The following RLIG1 variants were observed in gnomAD, a reference collection of about 807,000 sequenced individuals.
RLIG1 encodes RNA 5'-phosphate and 3'-OH ligase 1.
chr12:88,042,661 A>G, the RLIG1 span: 1 of 419,876 alleles, frequency 2.4e-6, no homozygotes, highest in Non-Finnish European at 4.3e-6. Flanking sequence ...AAGTCTTCTC[A>G]TAGCATCAGG....
At chr12:88,046,997 G>T in the RLIG1 span, 1 of 1,577,960 alleles carries the variant, frequency 6.3e-7, no homozygotes, top group South Asian at 1.2e-5. Flanking sequence ...AAATAGCTCC[G>T]GTGGGGTTAT....
the RLIG1 span, chr12:88,044,741 A>C: frequency 6.6e-6 from 1 of 152,544 alleles, no homozygotes; most frequent in Non-Finnish European, 1.5e-5. Context: ...CAGCTTAGGC[A>C]AACTCCCAGG....
chr12:88,045,470 C>A, the RLIG1 span: 2 of 739,292 alleles, frequency 2.7e-6, no homozygotes, highest in Non-Finnish European at 4.4e-6. Flanking sequence ...TATCTCTTTG[C>A]GATAGACACC....
At chr12:88,049,281 A>G in the RLIG1 span, 6 of 1,609,496 alleles carry the variant, frequency 3.7e-6, no homozygotes, top group Non-Finnish European at 5.1e-6. Flanking sequence ...TTGTTCTGAA[A>G]GTTTTTTTAC....
At chr12:88,049,316 C>T in the RLIG1 span, 1 of 1,584,564 alleles carries the variant, frequency 6.3e-7, no homozygotes, top group Admixed American at 1.7e-5. Flanking sequence ...GAATATTCTT[C>T]TTCACTTCTT....
the RLIG1 span, among the ~76,000 whole-genome samples, chr12:88,038,741 CTG>C: frequency 6.6e-6 from 1 of 152,058 alleles, no homozygotes; most frequent in Non-Finnish European, 1.5e-5. Flanking sequence ...GGATATAAAA[CTG>C]AATCAAGGAT....
At chr12:88,038,276 G>A in the RLIG1 span, among the ~76,000 whole-genome samples, 5 of 152,098 alleles carry the variant, frequency 3.3e-5, no homozygotes, top group African/African-American at 1.2e-4. Context: ...AAGAGGTGAT[G>A]CCAGCGGGTT....
chr12:88,045,481 C>T, the RLIG1 span: 1 of 831,492 alleles, frequency 1.2e-6, no homozygotes, highest in Admixed American at 2.9e-5. Context: ...GATAGACACC[C>T]AGAAAACATG....
chr12:88,035,658 T>C, the RLIG1 span: 4 of 1,606,346 alleles, frequency 2.5e-6, no homozygotes, highest in South Asian at 4.5e-5. Flanking sequence ...CATGAAGCGC[T>C]TGGGCTCCGT....
the RLIG1 span, chr12:88,035,627 C>T: frequency 4.0e-5 from 63 of 1,587,790 alleles, no homozygotes; most frequent in South Asian, 1.1e-5. Context: ...GCCCTCCATT[C>T]GCACTGCTTG....
chr12:88,043,615 T>C, the RLIG1 span: 1 of 1,609,664 alleles, frequency 6.2e-7, no homozygotes, highest in Non-Finnish European at 8.5e-7. Context: ...TTTGGAACGT[T>C]GAGGAGGACT....
the RLIG1 span, chr12:88,040,277 C>A: frequency 1.5e-6 from 2 of 1,362,984 alleles, no homozygotes; most frequent in Non-Finnish European, 2.1e-6. Flanking sequence ...TAAAATAAAA[C>A]TATAATATTT....
At chr12:88,035,637 G>T in the RLIG1 span, 2 of 1,597,726 alleles carry the variant, frequency 1.3e-6, no homozygotes, top group East Asian at 2.3e-5. Context: ...CGCACTGCTT[G>T]TTGGGCTCAT....
At chr12:88,042,668 C>G in the RLIG1 span, 4 of 430,606 alleles carry the variant, frequency 9.3e-6, no homozygotes, top group Non-Finnish European at 1.3e-5. Flanking sequence ...CTCATAGCAT[C>G]AGGTACTGCT....
chr12:88,044,335 A>C, the RLIG1 span: 3 of 152,446 alleles, frequency 2.0e-5, no homozygotes, highest in South Asian at 6.2e-4. Flanking sequence ...GAGATGATCT[A>C]GTCTGAAATG....
chr12:88,049,034 T>C, the RLIG1 span: 1 of 441,822 alleles, frequency 2.3e-6, no homozygotes, highest in Non-Finnish European at 4.0e-6. Flanking sequence ...AAATTTCATA[T>C]AATTTTATTT....
the RLIG1 span, among the ~76,000 whole-genome samples, chr12:88,038,546 C>T: frequency 2.6e-5 from 4 of 152,268 alleles, no homozygotes; most frequent in South Asian, 8.3e-4. Flanking sequence ...CCATCTTGAA[C>T]ATTTTTTAAG....
At chr12:88,049,153 A>G in the RLIG1 span, 16 of 1,290,214 alleles carry the variant, frequency 1.2e-5, no homozygotes, top group Admixed American at 3.5e-4. Flanking sequence ...GTTAATAAAT[A>G]GTTAAATGAA....
At chr12:88,037,417 C>T in the RLIG1 span, among the ~76,000 whole-genome samples, 96 of 152,154 alleles carry the variant, frequency 6.3e-4, 2 homozygotes, top group Admixed American at 6.3e-3. Flanking sequence ...TCGTGTTGTC[C>T]TTTGGATATG....
Sources: gnomAD v4.1 joint callset for allele counts (sites outside exome capture counted in the v4.1 genomes callset) on GRCh38, gnomAD v4.1.1 for gene constraint, MANE v1.5 for transcripts, NCBI Gene and HGNC (gene_info 2026-07-23, HGNC 2026-07-21) for gene names.